The following HMCN1 variants were observed in gnomAD, a reference collection of about 807,000 sequenced individuals.
HMCN1 encodes hemicentin 1.
In HMCN1, 321 loss-of-function variants were observed where a neutral mutation model predicts 625.9. That is an observed-to-expected ratio of 0.51 (90% CI 0.47 to 0.56). HMCN1 has a LOEUF of 0.56. Ranked by LOEUF, HMCN1 falls within the 20% of genes least tolerant of loss-of-function variation. The pLI, the probability that HMCN1 is intolerant of heterozygous loss-of-function variation, is 0.00. For missense variants in HMCN1, 6,588 were observed against 6,887.3 expected (o/e 0.96, Z 1.54); for synonymous variants, 2,425 against 2,417.6 (o/e 1.00, Z -0.09).
Position 186,074,862 on chromosome 1 carries a change from A to C in HMCN1, c.8261A>C (p.Asp2754Ala), listed in dbSNP as rs1658709057. 1 of 1,612,886 alleles carries C rather than the reference A, an allele frequency of 6.2e-7. No individual in the cohort carries two copies. The highest frequency in any genetic ancestry group is 1.3e-5 in the African/African-American group (1 of 74,990). The change falls in exon 53 of 107, where the codon GAT becomes GCT. Residue 2754 changes from aspartate to alanine, a missense_variant. Transcript: ENST00000271588. ...TCVASNIAGE[D>A]ELDFDVNIQV... ...GTAGCATCTAACATTGCAGGTGAAGATGAGTTGGATTTTGATGTGAATATT... is the reference window on the plus strand; with the variant it reads ...GTAGCATCTAACATTGCAGGTGAAGCTGAGTTGGATTTTGATGTGAATATT...
intron 97 of HMCN1, among the ~76,000 whole-genome samples, chr1:186,161,914 A>G (rs892901500): frequency 6.6e-6 from 1 of 152,070 alleles, no homozygotes; most frequent in South Asian, 2.1e-4. Context: ...TGCTCTTCTC[A>G]AGGAGTATCT....
At chr1:185,906,889 A>G (rs1186106058) in intron 4 of HMCN1, among the ~76,000 whole-genome samples, 1 of 151,466 alleles carries the variant, frequency 6.6e-6, no homozygotes, top group Non-Finnish European at 1.5e-5. Flanking sequence ...ATTATCCTCA[A>G]AATTATTTAT....
intron 4 of HMCN1, among the ~76,000 whole-genome samples, chr1:185,886,724 T>A (rs73058206): frequency 0.064 from 9,672 of 152,158 alleles, 1,079 homozygotes; most frequent in African/African-American, 0.22. Flanking sequence ...TCTTCATCAC[T>A]TCACACCTGG....
At chr1:185,830,949 C>T (rs73072072) in intron 1 of HMCN1, among the ~76,000 whole-genome samples, 4,696 of 152,020 alleles carry the variant, frequency 0.031, 261 homozygotes, top group African/African-American at 0.11. Flanking sequence ...TCTATGCCCC[C>T]ACTATCATCA....
At chr1:186,077,468 T>A (rs1283682403) in intron 54 of HMCN1, among the ~76,000 whole-genome samples, 1 of 152,126 alleles carries the variant, frequency 6.6e-6, no homozygotes, top group African/African-American at 2.4e-5. Context: ...GATTTATGAG[T>A]ATTTTAGGGG....
intron 11 of HMCN1, 80 bp from the exon 12 acceptor site, chr1:185,962,438 C>A: frequency 8.3e-7 from 1 of 1,202,360 alleles, no homozygotes; most frequent in Non-Finnish European, 1.2e-6. Flanking sequence ...GGTGAGAAAC[C>A]TACAAATCTG....
In HMCN1 at chr1:186,023,049, T is replaced by G. The variant is rs1296258197; in HGVS notation, c.5645T>G (p.Val1882Gly). The change falls in exon 36 of 107, where the codon GTT (valine) becomes GGT (glycine). Residue 1882 changes from valine (V) to glycine (G), a missense_variant. Physicochemically the swap from Val to Gly is moderately radical, Grantham distance 109. Coordinates refer to ENST00000271588, the MANE Select transcript of HMCN1 (RefSeq NM_031935.3). ...GNLKIQSSGR[V>G]LQIAKTLLED... ...AATTAGATACAGTCTTCTGGTCGAG[T>G]TCTACAAATTGCCAAAACCCTGTTG... 5.0e-6 allele frequency: 8 copies of G among 1,613,462 alleles called. No homozygotes were observed. The highest frequency in any genetic ancestry group is 6.8e-6 in the Non-Finnish European group (8 of 1,179,550).
intron 4 of HMCN1, among the ~76,000 whole-genome samples, chr1:185,874,453 T>C (rs1307200042): frequency 2.6e-5 from 4 of 152,018 alleles, no homozygotes; most frequent in Admixed American, 6.6e-5. Context: ...ACAGAGTCCA[T>C]GCTTCATATA....
In HMCN1 at chr1:185,737,431, G is replaced by T. The variant is rs114840659; in HGVS notation, c.268+2384G>T. ...TCCCAAAGTGCTGGGATTACAGGCA[G>T]GAGCATCTTGGAATGACAGGAAGGA... On this transcript the variant is annotated intron_variant, in intron 1 of 106. Transcript: ENST00000271588. 6.6e-3 allele frequency among the ~76,000 whole-genome samples: 1,010 copies of T among 152,170 alleles called. 8 individuals carry two copies. The highest frequency in any genetic ancestry group is 0.027 in the Middle Eastern group (8 of 292).
chr1:185,943,659 C>T (rs918558412), intron 11 of HMCN1, among the ~76,000 whole-genome samples: 1 of 152,160 alleles, frequency 6.6e-6, no homozygotes, highest in Non-Finnish European at 1.5e-5. Context: ...AGCCCAGAAG[C>T]TCTCTGAAGC....
intron 1 of HMCN1, among the ~76,000 whole-genome samples, chr1:185,811,542 C>T (rs1394912957): frequency 5.3e-5 from 8 of 151,898 alleles, no homozygotes; most frequent in Non-Finnish European, 1.2e-4. Flanking sequence ...GAGCTATGAT[C>T]ACACCACTGC....
chr1:186,041,257 A>G, intron 40 of HMCN1, 121 bp downstream of exon 40: 1 of 893,678 alleles, frequency 1.1e-6, no homozygotes, highest in Admixed American at 1.9e-5. Flanking sequence ...ATGATATTAC[A>G]GGATCAATTC....
At position 186,182,263 on chromosome 1, in the gene HMCN1, A is replaced by T. The variant is rs754884191; in HGVS notation, c.16390A>T (p.Thr5464Ser). 2 of 1,613,412 alleles carry T rather than the reference A, an allele frequency of 1.2e-6. No homozygotes were observed. Among genetic ancestry groups the T allele is most frequent in the Non-Finnish European group, 1.7e-6 (2 of 1,179,528 alleles). ...CATCTGCCCACCTGGCTATCAACTC[A>T]CACACAATGGAAAGACATGCCAAGG... is the stretch of plus-strand genomic sequence containing the variant. ...QCICPPGYQL[T>S]HNGKTCQDID... Residue 5464 changes from threonine to serine, a missense_variant, in exon 105 of 107, where the codon ACA becomes TCA. Physicochemically the swap from Thr to Ser is moderately conservative, Grantham distance 58. Coordinates refer to ENST00000271588, the MANE Select transcript of HMCN1 (RefSeq NM_031935.3).
intron 11 of HMCN1, among the ~76,000 whole-genome samples, chr1:185,949,062 T>G (rs1167950788): frequency 5.3e-5 from 8 of 151,884 alleles, no homozygotes; most frequent in Non-Finnish European, 4.4e-5. Context: ...AGAATTGGGA[T>G]GACACAGGAT....
intron 11 of HMCN1, among the ~76,000 whole-genome samples, chr1:185,953,743 T>A (rs1278989722): frequency 9.2e-5 from 14 of 151,778 alleles, no homozygotes; most frequent in Non-Finnish European, 1.8e-4. Context: ...GGTCCCCCGA[T>A]CCGAGTCACG....
At chr1:185,947,478 C>T (rs1267063645) in intron 11 of HMCN1, among the ~76,000 whole-genome samples, 1 of 152,176 alleles carries the variant, frequency 6.6e-6, no homozygotes, top group Non-Finnish European at 1.5e-5. Flanking sequence ...AGGAAACTTA[C>T]TGCAACTGCC....
chr1:186,145,594 C>A (rs372812771), intron 92 of HMCN1, 21 bp downstream of exon 92: 11 of 1,613,066 alleles, frequency 6.8e-6, no homozygotes, highest in Non-Finnish European at 8.5e-6. Context: ...TGATTTCTGG[C>A]AGTTGAATAA....
chr1:185,736,782 T>G (rs942746931), intron 1 of HMCN1, among the ~76,000 whole-genome samples: 1 of 152,174 alleles, frequency 6.6e-6, no homozygotes, highest in Non-Finnish European at 1.5e-5. Flanking sequence ...CAATCATGAT[T>G]TAAAGTTGGG....
chr1:185,954,371 A>C (rs1365497570), intron 11 of HMCN1, among the ~76,000 whole-genome samples: 2 of 152,196 alleles, frequency 1.3e-5, no homozygotes, highest in Non-Finnish European at 2.9e-5. Flanking sequence ...TAAGAAAAAA[A>C]CTTAACAGTA....
Sources: allele counts gnomAD v4.1 joint callset (sites outside exome capture counted in the v4.1 genomes callset), GRCh38; gene constraint gnomAD v4.1.1; transcripts MANE v1.5; gene names NCBI Gene and HGNC (gene_info 2026-07-23, HGNC 2026-07-21).